PCSK2: variants seen among roughly 807,000 people sequenced by gnomAD.
PCSK2 encodes neuroendocrine convertase 2.
PCSK2 carries 14 observed loss-of-function variants against 69.7 expected under a neutral mutation model. The observed-to-expected ratio is 0.20, with a 90% CI of 0.13 to 0.31. PCSK2 has a LOEUF of 0.31. Among genes scored for constraint, PCSK2 ranks in the 10% least tolerant of loss-of-function variants. The probability of loss-of-function intolerance (pLI) is 1.00; values close to 1 mark genes in which losing one functional copy is unlikely to be tolerated. For synonymous variants in PCSK2, 307 were observed against 320.7 expected, an observed-to-expected ratio of 0.96 and a Z score of 0.46; for missense variants, 544 against 842.5, an observed-to-expected ratio of 0.65 and a Z score of 4.39.
chr20:17,391,936 G>A (rs530046331), intron 5 of PCSK2, among the ~76,000 whole-genome samples: 5 of 131,630 alleles, frequency 3.8e-5, no homozygotes, highest in African/African-American at 1.5e-4. Context: ...AAGGAAGGAA[G>A]GAAGGAAGGA....
chr20:17,430,393 T>C (rs2032340225), intron 7 of PCSK2, among the ~76,000 whole-genome samples: 1 of 152,232 alleles, frequency 6.6e-6, no homozygotes, highest in Non-Finnish European at 1.5e-5. Flanking sequence ...TCTTTTTTGT[T>C]TACAACTGTC....
chr20:17,391,820 A>C (rs920506038), intron 5 of PCSK2, among the ~76,000 whole-genome samples: 1 of 151,942 alleles, frequency 6.6e-6, no homozygotes, highest in Non-Finnish European at 1.5e-5. Flanking sequence ...GCAGTGAGCT[A>C]TGATTACACC....
chr20:17,347,787 C>CGAAA (rs58349005), intron 2 of PCSK2, among the ~76,000 whole-genome samples: 1,737 of 48,246 alleles, frequency 0.036, 122 homozygotes, highest in East Asian at 0.041. Flanking sequence ...GACACATAGA[C>CGAAA]GAAAGAAAGA....
At chr20:17,413,940 C>T (rs1444208984) in intron 6 of PCSK2, among the ~76,000 whole-genome samples, 1 of 152,068 alleles carries the variant, frequency 6.6e-6, no homozygotes, top group Non-Finnish European at 1.5e-5. Flanking sequence ...CTACTGGGTA[C>T]ATAACGAAAT....
chr20:17,322,923 G>A lies in PCSK2; in HGVS notation c.283-35404G>A, dbSNP rs148765110. ...CTGTCACCCAGGCTGGAGTCCAATG[G>A]CGTGATCTCGGCTTACTACAATCTC... On this transcript the variant is annotated intron_variant, in intron 2 of 11. Transcript: ENST00000262545. Among the ~76,000 whole-genome samples the A allele has an allele frequency of 4.8e-3, 733 of 152,256 alleles. 6 individuals are homozygous for A. The highest frequency in any genetic ancestry group is 0.02 in the East Asian group (105 of 5,180).
intron 7 of PCSK2, among the ~76,000 whole-genome samples, chr20:17,435,132 TA>T (rs2123348336): frequency 6.6e-6 from 1 of 152,322 alleles, no homozygotes; most frequent in Admixed American, 6.5e-5. Context: ...TATGGGTTAA[TA>T]GTAGAAGATG....
chr20:17,446,590 G>A (rs1369249306), intron 8 of PCSK2, among the ~76,000 whole-genome samples: 2 of 152,152 alleles, frequency 1.3e-5, no homozygotes, highest in African/African-American at 4.8e-5. Context: ...GAAACAGTTA[G>A]GTAGCTCAAG....
intron 2 of PCSK2, among the ~76,000 whole-genome samples, chr20:17,286,763 C>T (rs1988523049): frequency 6.6e-6 from 1 of 152,170 alleles, no homozygotes; most frequent in Non-Finnish European, 1.5e-5. Flanking sequence ...CTCATGCCTC[C>T]CTCCACAGCA....
chr20:17,262,006 T>C (rs1284718929), intron 2 of PCSK2, among the ~76,000 whole-genome samples: 1 of 152,204 alleles, frequency 6.6e-6, no homozygotes, highest in African/African-American at 2.4e-5. Context: ...AACTCAAAAG[T>C]CCCTGTTTGG....
intron 8 of PCSK2, among the ~76,000 whole-genome samples, chr20:17,448,368 G>A (rs1600588002): frequency 6.6e-6 from 1 of 152,178 alleles, no homozygotes; most frequent in East Asian, 1.9e-4. Flanking sequence ...GCAAGCCACT[G>A]CACCAGTCTC....
chr20:17,433,174 A>G (rs1046618889), intron 7 of PCSK2, among the ~76,000 whole-genome samples: 3 of 152,216 alleles, frequency 2.0e-5, no homozygotes, highest in African/African-American at 7.2e-5. Context: ...ATATTTAAAA[A>G]CCACACTGTT....
chr20:17,283,623 C>T (rs1222944912), intron 2 of PCSK2, among the ~76,000 whole-genome samples: 2 of 152,206 alleles, frequency 1.3e-5, no homozygotes, highest in African/African-American at 4.8e-5. Flanking sequence ...TTCTAATCAT[C>T]TCTCACTCAA....
At chr20:17,232,078 T>G (rs528286127) in intron 1 of PCSK2, among the ~76,000 whole-genome samples, 1 of 152,340 alleles carries the variant, frequency 6.6e-6, no homozygotes, top group African/African-American at 2.4e-5. Flanking sequence ...TTAATAACAT[T>G]TGATAAATCT....
intron 8 of PCSK2, among the ~76,000 whole-genome samples, chr20:17,441,566 C>T (rs984380056): frequency 6.6e-6 from 1 of 152,186 alleles, no homozygotes; most frequent in Non-Finnish European, 1.5e-5. Context: ...TACAGTTCCA[C>T]ATAGCTGGGG....
chr20:17,258,883 A>G (rs1364044711), intron 1 of PCSK2, among the ~76,000 whole-genome samples: 1 of 151,618 alleles, frequency 6.6e-6, no homozygotes, highest in Non-Finnish European at 1.5e-5. Context: ...GGCCTAGAGG[A>G]AAAAAAACAA....
At chr20:17,407,284 C>T (rs1442563018) in intron 5 of PCSK2, among the ~76,000 whole-genome samples, 1 of 152,144 alleles carries the variant, frequency 6.6e-6, no homozygotes, top group Admixed American at 6.5e-5. Flanking sequence ...AAGAGGCAGC[C>T]TCAGGGGCCC....
chr20:17,374,778 G>A (rs562508126), intron 5 of PCSK2, among the ~76,000 whole-genome samples: 1 of 152,136 alleles, frequency 6.6e-6, no homozygotes, highest in Non-Finnish European at 1.5e-5. Context: ...CAACCACTGG[G>A]TGAAGGCCAC....
At chr20:17,450,380 G>A (rs1261269357) in intron 8 of PCSK2, among the ~76,000 whole-genome samples, 2 of 152,146 alleles carry the variant, frequency 1.3e-5, no homozygotes, top group African/African-American at 4.8e-5. Context: ...GCTGCCTGTA[G>A]GGTGGCTGTG....
chr20:17,414,244 G>C (rs2031944779), intron 6 of PCSK2, among the ~76,000 whole-genome samples: 1 of 152,106 alleles, frequency 6.6e-6, no homozygotes, highest in Non-Finnish European at 1.5e-5. Context: ...ATGAATCCAG[G>C]AGCTGGTTTT....
Sources: gnomAD v4.1 joint callset for allele counts (sites outside exome capture counted in the v4.1 genomes callset) on GRCh38, gnomAD v4.1.1 for gene constraint, MANE v1.5 for transcripts, NCBI Gene and HGNC (gene_info 2026-07-23, HGNC 2026-07-21) for gene names.